Variants in EFL1 observed in about 807,000 individuals in gnomAD.
EFL1 encodes elongation factor like GTPase 1, also known as elongation factor-like GTPase 1.
EFL1 carries 76 observed loss-of-function variants against 126.7 expected under a neutral mutation model. The ratio of observed to expected loss-of-function variants is 0.60; its 90% CI spans 0.50 to 0.73. The LOEUF (loss-of-function observed/expected upper bound fraction) is 0.73. Ranked by LOEUF, EFL1 falls within the 30% of genes least tolerant of loss-of-function variation. The probability of loss-of-function intolerance (pLI) is 0.00; values close to 1 mark genes in which losing one functional copy is unlikely to be tolerated. For synonymous variants in EFL1, 410 were observed against 448.4 expected (o/e 0.91, Z 1.08); for missense variants, 1,128 against 1,343.2 (o/e 0.84, Z 2.50).
intron 15 of EFL1, among the ~76,000 whole-genome samples, chr15:82,179,411 T>G (rs1371278399): frequency 2.0e-5 from 3 of 152,130 alleles, no homozygotes; most frequent in African/African-American, 7.2e-5. Context: ...TGATTGATTT[T>G]AAAGACAGAA....
chr15:82,161,986 T>C (rs2074028227), intron 16 of EFL1, among the ~76,000 whole-genome samples: 1 of 152,156 alleles, frequency 6.6e-6, no homozygotes, highest in Non-Finnish European at 1.5e-5. Context: ...TATTAAAATA[T>C]CACATCTTAG....
intron 15 of EFL1, among the ~76,000 whole-genome samples, chr15:82,209,330 C>CAG (rs1208998478): frequency 6.7e-6 from 1 of 150,050 alleles, no homozygotes; most frequent in Non-Finnish European, 1.5e-5. Context: ...CACACACACA[C>CAG]ACACACACAC....
chr15:82,220,025 G>C lies in EFL1; in HGVS notation c.1444+53C>G, dbSNP rs1055244932. 14 of 1,542,530 alleles carry C rather than the reference G, an allele frequency of 9.1e-6. No homozygotes were observed. The African/African-American group carries it at 1.7e-4, about 18-fold the overall frequency. ...AAGAACTAAAGGATGAGTGTCCCAA[G>C]TTAAGCAAAAAGGCAAATACTTTGC... On this transcript the variant is annotated intron_variant, in intron 13 of 19. Transcript: ENST00000268206.
chr15:82,244,566 C>T (rs2074954112), intron 4 of EFL1, among the ~76,000 whole-genome samples: 1 of 152,188 alleles, frequency 6.6e-6, no homozygotes, highest in East Asian at 1.9e-4. Flanking sequence ...CATTTCAAGG[C>T]ACAGATCTAA....
chr15:82,179,188 G>C (rs1209964679), intron 15 of EFL1, among the ~76,000 whole-genome samples: 1 of 152,038 alleles, frequency 6.6e-6, no homozygotes, highest in African/African-American at 2.4e-5. Context: ...ATTGGATTTG[G>C]CTTAGGTAGC....
chr15:82,240,409 T>C lies in EFL1; in HGVS notation c.516+9A>G. On this transcript the variant is annotated intron_variant, in intron 6 of 19. Coordinates refer to ENST00000268206, the MANE Select transcript of EFL1 (RefSeq NM_024580.6). ...GGCTAAATTTTTTAAATACTAAAAATTAAAATACCTGTTCTAAAATATTCT... is the reference window on the plus strand; with the variant it reads ...GGCTAAATTTTTTAAATACTAAAAACTAAAATACCTGTTCTAAAATATTCT... The C allele has an allele frequency of 6.4e-7, 1 of 1,561,214 alleles. No individual in the cohort carries two copies.
chr15:82,184,194 A>C (rs2074280068), intron 15 of EFL1, among the ~76,000 whole-genome samples: 1 of 152,262 alleles, frequency 6.6e-6, no homozygotes, highest in Non-Finnish European at 1.5e-5. Flanking sequence ...TCCAACTGCT[A>C]TATTACTGTG....
intron 19 of EFL1, among the ~76,000 whole-genome samples, chr15:82,138,308 G>T (rs1173883424): frequency 6.6e-6 from 1 of 151,640 alleles, no homozygotes; most frequent in Admixed American, 6.6e-5. Context: ...ACATTCAAAA[G>T]GTCTGTGATT....
chr15:82,217,333 G>A (rs1396767818), intron 14 of EFL1, among the ~76,000 whole-genome samples: 3 of 67,536 alleles, frequency 4.4e-5, no homozygotes, highest in Admixed American at 2.0e-4. Flanking sequence ...TGCATAAGGA[G>A]ATATATACAA....
At position 82,151,538 on chromosome 15, in the gene EFL1, T is replaced by G. The variant is rs1200611644; in HGVS notation, c.2916A>C (p.Ala972=). 2.5e-6 allele frequency: 4 copies of G among 1,614,022 alleles called. No homozygotes were observed. The highest frequency in any genetic ancestry group is 2.2e-5 in the South Asian group (2 of 91,068). ...IATMKEACRY[A]LQVKPQRLMA... ...TCAGGCGCTGAGGTTTCACTTGCAG[T>G]GCATAGCGACATGCTTCTTTCATGG... Residue 972 remains alanine (A), a synonymous_variant, in exon 18 of 20, where the codon GCA becomes GCC. Coordinates refer to ENST00000268206, the MANE Select transcript of EFL1 (RefSeq NM_024580.6).
At chr15:82,169,935 A>G (rs1888675478) in intron 15 of EFL1, among the ~76,000 whole-genome samples, 1 of 152,188 alleles carries the variant, frequency 6.6e-6, no homozygotes, top group East Asian at 1.9e-4. Context: ...GTTAATTACG[A>G]TACAATGTGA....
chr15:82,239,671 T>C (rs2074911122), intron 6 of EFL1, among the ~76,000 whole-genome samples: 1 of 152,204 alleles, frequency 6.6e-6, no homozygotes, highest in South Asian at 2.1e-4. Flanking sequence ...GATCTAATTC[T>C]TCAGCTAAAA....
Position 82,220,088 on chromosome 15 carries a change from C to G in EFL1, c.1434G>C (p.Glu478Asp), listed in dbSNP as rs2292189. 0.73 allele frequency: 1,165,075 copies of G among 1,603,618 alleles called. 426,996 individuals are homozygous for G. Among genetic ancestry groups the G allele is most frequent in the African/African-American group, 0.92 (68,356 of 74,248 alleles). ...GSAIETCPKG[E>D]EPRGDEQQVE... ...TTAGGAAAGCTATACCTCTTGGCTCCTCTCCTTTTGGACATGTTTCAATGG... is the reference window on the plus strand; with the variant it reads ...TTAGGAAAGCTATACCTCTTGGCTCGTCTCCTTTTGGACATGTTTCAATGG... Residue 478 changes from glutamate to aspartate, a missense_variant, in exon 13 of 20, where the codon GAG (glutamate) becomes GAC (aspartate). Glu to Asp is a conservative substitution (Grantham distance 45). This residue lies in a region of EFL1 where 120 missense variants were observed against 142.1 expected (regional missense o/e 0.84). Coordinates refer to ENST00000268206, the MANE Select transcript of EFL1 (RefSeq NM_024580.6).
intron 16 of EFL1, among the ~76,000 whole-genome samples, chr15:82,161,350 A>G (rs2074022595): frequency 6.6e-6 from 1 of 152,248 alleles, no homozygotes; most frequent in African/African-American, 2.4e-5. Context: ...CTGCCCCAAA[A>G]TAAGGATGAG....
At chr15:82,252,247 T>G (rs1183779697) in intron 4 of EFL1, among the ~76,000 whole-genome samples, 2 of 152,258 alleles carry the variant, frequency 1.3e-5, no homozygotes, top group African/African-American at 4.8e-5. Flanking sequence ...TATACTTACA[T>G]GACTATTTCT....
chr15:82,241,167 T>C (rs1003561902), intron 5 of EFL1, 103 bp downstream of exon 5: 8 of 1,384,234 alleles, frequency 5.8e-6, no homozygotes, highest in Non-Finnish European at 7.9e-6. Context: ...ATGTGAAATA[T>C]AAAACCAATG....
intron 11 of EFL1, among the ~76,000 whole-genome samples, chr15:82,226,971 C>A (rs2074770239): frequency 6.6e-6 from 1 of 152,126 alleles, no homozygotes; most frequent in Non-Finnish European, 1.5e-5. Context: ...GAGGAGTGAT[C>A]AATTGCGTCA....
chr15:82,133,862 G>T (rs1419836484), intron 19 of EFL1, among the ~76,000 whole-genome samples: 1 of 152,168 alleles, frequency 6.6e-6, no homozygotes, highest in Non-Finnish European at 1.5e-5. Flanking sequence ...TGAGCGAGAA[G>T]AACCAAGTGA....
chr15:82,161,791 T>G (rs2074026409), intron 16 of EFL1, among the ~76,000 whole-genome samples: 1 of 152,190 alleles, frequency 6.6e-6, no homozygotes, highest in Non-Finnish European at 1.5e-5. Context: ...GGAAAGGAAC[T>G]TAATCTTACT....
Sources: allele counts gnomAD v4.1 joint callset (sites outside exome capture counted in the v4.1 genomes callset), GRCh38; gene constraint gnomAD v4.1.1; regional missense constraint gnomAD v4.1.1; transcripts MANE v1.5; gene names NCBI Gene and HGNC (gene_info 2026-07-23, HGNC 2026-07-21).